Variants in TTC1 observed in about 807,000 individuals in gnomAD.
TTC1 encodes tetratricopeptide repeat domain 1.
Under a neutral mutation model 37.6 loss-of-function variants are expected in TTC1, and 31 were observed. The observed-to-expected ratio is 0.82, with a 90% CI of 0.62 to 1.11. The LOEUF is 1.11. Among genes scored for constraint, TTC1 ranks in the 50% most tolerant of loss-of-function variants. The pLI is 0.00. For missense variants in TTC1, 351 were observed against 339.0 expected (o/e 1.04, Z -0.28); for synonymous variants, 127 against 122.4 (o/e 1.04, Z -0.25).
intron 2 of TTC1, among the ~76,000 whole-genome samples, chr5:160,019,832 G>A (rs577623168): frequency 2.6e-5 from 4 of 151,398 alleles, no homozygotes; most frequent in Admixed American, 6.6e-5. Context: ...CACCCACCTC[G>A]GCCTCCCAAA....
chr5:160,057,020 ATC>A lies in TTC1; in HGVS notation c.745+5839_745+5840del, dbSNP rs567110664. 3.9e-4 allele frequency among the ~76,000 whole-genome samples: 59 copies of A among 151,906 alleles called. No homozygotes were observed. The highest frequency in any genetic ancestry group is 1.4e-3 in the African/African-American group (57 of 41,426). ...TTCTCTTCATACTATTCTGCCTGATATCTGTCATTACAGACTGTACACTTGCA... is the reference window on the plus strand; with the variant it reads ...TTCTCTTCATACTATTCTGCCTGATATGTCATTACAGACTGTACACTTGCA... On this transcript the variant is annotated intron_variant, in intron 7 of 7. Transcript: ENST00000231238. This position sits in a 1 kb window ranked among gnomAD's most constrained non-coding sequence, Gnocchi z 4.4.
intron 2 of TTC1, among the ~76,000 whole-genome samples, chr5:160,017,504 C>T (rs1756628424): frequency 6.6e-6 from 1 of 152,140 alleles, no homozygotes; most frequent in Admixed American, 6.5e-5. Context: ...CCTCTTAATA[C>T]CAACACAATG....
rs148019320 is a variant in TTC1, at chr5:160,056,169, A to G, written c.745+4986A>G. Among the ~76,000 whole-genome samples, 340 of 152,322 alleles carry G rather than the reference A, an allele frequency of 2.2e-3. 2 individuals carry two copies. Among genetic ancestry groups the G allele is most frequent in the African/African-American group, 7.6e-3 (315 of 41,576 alleles). On this transcript the variant is annotated intron_variant, in intron 7 of 7. Transcript: ENST00000231238. ...CTTATCTACTTCCCTCAAAGAAACC[A>G]TAACACAAAGACAGGGCATTGCCCC...
intron 2 of TTC1, chr5:160,023,798 C>T (rs1756756224): frequency 2.5e-6 from 4 of 1,613,464 alleles, no homozygotes; most frequent in African/African-American, 1.3e-5. Context: ...GTGCCTTGCC[C>T]TCTTGCCTGT....
At chr5:160,027,720 A>G (rs1481466794) in intron 2 of TTC1, among the ~76,000 whole-genome samples, 1 of 152,156 alleles carries the variant, frequency 6.6e-6, no homozygotes, top group Non-Finnish European at 1.5e-5. Flanking sequence ...ATCTTGAGGT[A>G]GTTTTGTTAA....
chr5:160,056,792 T>C (rs1432666418), intron 7 of TTC1, among the ~76,000 whole-genome samples: 5 of 152,168 alleles, frequency 3.3e-5, no homozygotes, highest in Non-Finnish European at 7.3e-5. Flanking sequence ...GGAGATAGAA[T>C]TAACATGTCA....
chr5:160,021,909 C>T (rs192407109), intron 2 of TTC1, among the ~76,000 whole-genome samples: 4 of 152,302 alleles, frequency 2.6e-5, no homozygotes, highest in African/African-American at 7.2e-5. Flanking sequence ...TCTCTTTACG[C>T]TCTCTTTTAC....
chr5:160,022,350 T>C (rs1168991052), intron 2 of TTC1, among the ~76,000 whole-genome samples: 3 of 152,202 alleles, frequency 2.0e-5, no homozygotes, highest in Admixed American at 6.5e-5. Flanking sequence ...CATTTTGCCA[T>C]GCTACCCAGG....
At chr5:160,036,171 C>T (rs1467372735) in intron 3 of TTC1, among the ~76,000 whole-genome samples, 6 of 152,130 alleles carry the variant, frequency 3.9e-5, no homozygotes, top group African/African-American at 1.4e-4. Context: ...TTGATTTTTA[C>T]ATTGTTCCTT....
chr5:160,053,063 T>C (rs1270423555), intron 7 of TTC1, among the ~76,000 whole-genome samples: 1 of 152,188 alleles, frequency 6.6e-6, no homozygotes, highest in Non-Finnish European at 1.5e-5. Flanking sequence ...AATCACTCTT[T>C]ACATGGAATT....
chr5:160,065,227 G>T lies in TTC1; in HGVS notation c.*162G>T, dbSNP rs1167486375. The T allele has an allele frequency of 1.1e-5, 11 of 998,826 alleles. No individual in the cohort carries two copies. The highest frequency in any genetic ancestry group is 2.0e-5 in the Admixed American group (1 of 50,356). 61.9% of individuals were successfully genotyped at this position (998,826 alleles called of 1,614,324 possible). On this transcript the variant is annotated 3_prime_UTR_variant, in exon 8 of 8. Transcript: ENST00000231238. ...CCCTTGTCCCTCTTTTATGATCAGG[G>T]TGAAATGTACTTCCTGATGTAATGA...
At chr5:160,061,795 A>G (rs1753420849) in intron 7 of TTC1, 1 of 152,230 alleles carries the variant, frequency 6.6e-6, no homozygotes, top group Admixed American at 6.5e-5. Flanking sequence ...AGATGCCAAG[A>G]TAGGATTAAA....
intron 2 of TTC1, among the ~76,000 whole-genome samples, chr5:160,014,156 G>A (rs1012693898): frequency 6.6e-6 from 1 of 151,554 alleles, no homozygotes; most frequent in Non-Finnish European, 1.5e-5. Context: ...AGTTCGACCC[G>A]AGACCAGCCT....
At chr5:160,046,225 C>G (rs755621871) in intron 5 of TTC1, among the ~76,000 whole-genome samples, 10 of 152,178 alleles carry the variant, frequency 6.6e-5, no homozygotes, top group Non-Finnish European at 1.3e-4. Context: ...CCATTGAAAC[C>G]CATCTTGTAA....
Position 160,010,869 on chromosome 5 carries a change from T to C in TTC1, c.330+11T>C. On this transcript the variant is annotated intron_variant, in intron 2 of 7. Transcript: ENST00000231238. ...GATGAAGAGAAACAGGTAAGTATTTTATTTATTGTGCAAGATCTGCCACTT... is the reference window on the plus strand; with the variant it reads ...GATGAAGAGAAACAGGTAAGTATTTCATTTATTGTGCAAGATCTGCCACTT... 1 of 1,606,418 alleles carries C rather than the reference T, an allele frequency of 6.2e-7. No homozygotes were observed. Among genetic ancestry groups the C allele is most frequent in the Middle Eastern group, 1.9e-4 (1 of 5,304 alleles).
chr5:160,061,502 T>C (rs1308687762), intron 7 of TTC1, among the ~76,000 whole-genome samples: 2 of 152,254 alleles, frequency 1.3e-5, no homozygotes, highest in East Asian at 3.8e-4. Context: ...GCCACACACA[T>C]GTAATTAGTA....
At chr5:160,041,909 A>G (rs1242078133) in intron 4 of TTC1, among the ~76,000 whole-genome samples, 1 of 152,170 alleles carries the variant, frequency 6.6e-6, no homozygotes, top group Non-Finnish European at 1.5e-5. Context: ...TCATCCTAAA[A>G]GGATCCTCCA....
intron 2 of TTC1, among the ~76,000 whole-genome samples, chr5:160,019,155 A>G (rs1756658409): frequency 6.6e-6 from 1 of 152,210 alleles, no homozygotes; most frequent in East Asian, 1.9e-4. Context: ...ATTCATTTAC[A>G]TGTACACATA....
intron 7 of TTC1, among the ~76,000 whole-genome samples, chr5:160,052,252 C>T (rs781210107): frequency 3.9e-5 from 6 of 152,032 alleles, no homozygotes; most frequent in Non-Finnish European, 8.8e-5. Context: ...TCCTGTAATC[C>T]CAGCACTTTA....
Sources: allele counts gnomAD v4.1 joint callset (sites outside exome capture counted in the v4.1 genomes callset), GRCh38; gene constraint gnomAD v4.1.1; non-coding constraint Gnocchi (gnomAD v3.1); transcripts MANE v1.5; gene names NCBI Gene and HGNC (gene_info 2026-07-23, HGNC 2026-07-21).